Variants in MED6 observed in about 807,000 individuals in gnomAD.
MED6 encodes the protein mediator of RNA polymerase II transcription subunit 6.
Under a neutral mutation model 37.5 loss-of-function variants are expected in MED6, and 33 were observed. That is an observed-to-expected ratio of 0.88 (90% CI 0.67 to 1.18). The LOEUF is 1.18. Among genes scored for constraint, MED6 ranks in the 50% most tolerant of loss-of-function variants. The probability of loss-of-function intolerance (pLI) is 0.00; values close to 1 mark genes in which losing one functional copy is unlikely to be tolerated. For synonymous variants in MED6, 94 were observed against 93.6 expected, an observed-to-expected ratio of 1.00 and a Z score of -0.02; for missense variants, 235 against 290.6, an observed-to-expected ratio of 0.81 and a Z score of 1.39.
At position 70,593,324 on chromosome 14, in the gene MED6, T is replaced by TTATAA; in HGVS notation, c.328_329insTTATA (p.Asp110ValfsTer8). The TTATAA allele has an allele frequency of 6.2e-7, 1 of 1,613,946 alleles. No homozygotes were observed. The highest frequency in any genetic ancestry group is 8.5e-7 in the Non-Finnish European group (1 of 1,179,900). On this transcript the variant is annotated frameshift_variant, in exon 4 of 8. Transcript: ENST00000256379. LOFTEE classifies it high-confidence loss of function. ...TCTAGAGTTTATAACTGATCCCAAG[T>TTATAA]CTGGTGCCTGATAGATCACTCCAGC... is the stretch of plus-strand genomic sequence containing the variant.
intron 1 of MED6, among the ~76,000 whole-genome samples, chr14:70,599,161 C>T (rs962629469): frequency 1.2e-4 from 19 of 152,154 alleles, no homozygotes; most frequent in African/African-American, 4.6e-4. Flanking sequence ...TTACCTCAGG[C>T]ATCTTCAAAG....
intron 1 of MED6, 171 bp from the exon 2 acceptor site, chr14:70,597,948 ACATGATTAAGTCTTATGATAAAGACAT>A: frequency 2.3e-6 from 1 of 433,362 alleles, no homozygotes; most frequent in Non-Finnish European, 3.9e-6. Flanking sequence ...GAAAGCAATA[ACATGATTAAGTCTTATGATAAAGACAT>A]GGTGAAACCC....
At chr14:70,584,976 G>A (rs1409391567) in intron 7 of MED6, 33 bp from the exon 8 acceptor site, 9 of 1,605,630 alleles carry the variant, frequency 5.6e-6, no homozygotes, top group Non-Finnish European at 6.8e-6. Context: ...TTGGGAGGGA[G>A]ATATGGGTGG....
chr14:70,593,416 T>C, intron 3 of MED6, 38 bp from the exon 4 acceptor site: 2 of 1,442,682 alleles, frequency 1.4e-6, no homozygotes, highest in Non-Finnish European at 1.9e-6. Flanking sequence ...AATACAGCTA[T>C]GGACACAAAC....
At chr14:70,588,755 G>A (rs376511891) in intron 6 of MED6, among the ~76,000 whole-genome samples, 66 of 150,118 alleles carry the variant, frequency 4.4e-4, no homozygotes, top group Non-Finnish European at 8.4e-4. Flanking sequence ...GGAGGAAGTA[G>A]GGGAAGAAGA....
chr14:70,597,525 T>C, intron 2 of MED6, 93 bp downstream of exon 2: 1 of 1,136,968 alleles, frequency 8.8e-7, no homozygotes, highest in East Asian at 2.9e-5. Context: ...CTTCTAAAAG[T>C]TCTACTCTGC....
At chr14:70,588,753 T>C (rs1884789034) in intron 6 of MED6, among the ~76,000 whole-genome samples, 1 of 148,254 alleles carries the variant, frequency 6.7e-6, no homozygotes, top group African/African-American at 2.5e-5. Flanking sequence ...TGGGAGGAAG[T>C]AGGGGAAGAA....
intron 5 of MED6, among the ~76,000 whole-genome samples, chr14:70,592,233 A>G (rs1159552665): frequency 6.6e-6 from 1 of 152,230 alleles, no homozygotes; most frequent in African/African-American, 2.4e-5. Context: ...ACAGTAAAAT[A>G]TGATGAAGAC....
At chr14:70,588,451 C>T (rs752145685) in intron 6 of MED6, among the ~76,000 whole-genome samples, 1 of 151,584 alleles carries the variant, frequency 6.6e-6, no homozygotes, top group Non-Finnish European at 1.5e-5. Context: ...TTTGGGAGGC[C>T]GAGATGGGCA....
intron 3 of MED6, chr14:70,595,677 C>T (rs1294879783): frequency 1.6e-5 from 15 of 936,078 alleles, no homozygotes; most frequent in South Asian, 4.0e-5. Flanking sequence ...CACCACCTAC[C>T]GCCGCCTGCT....
intron 1 of MED6, 95 bp from the exon 2 acceptor site, chr14:70,597,872 T>C (rs1885090866): frequency 1.0e-6 from 1 of 992,520 alleles, no homozygotes; most frequent in Non-Finnish European, 1.4e-6. Flanking sequence ...GTAGGCACTA[T>C]GAATATAAGG....
At chr14:70,593,791 A>G (rs567708072) in intron 3 of MED6, among the ~76,000 whole-genome samples, 32 of 152,322 alleles carry the variant, frequency 2.1e-4, no homozygotes, top group African/African-American at 7.7e-4. Context: ...TTGTCAGTCA[A>G]CCTTACTTAA....
chr14:70,584,752 A>T lies in MED6; in HGVS notation c.*61T>A. 1 of 1,551,198 alleles carries T rather than the reference A, an allele frequency of 6.4e-7. No homozygotes were observed. Among genetic ancestry groups the T allele is most frequent in the Non-Finnish European group, 8.7e-7 (1 of 1,150,460 alleles). On this transcript the variant is annotated 3_prime_UTR_variant, in exon 8 of 8. Coordinates refer to ENST00000256379, the MANE Select transcript of MED6 (RefSeq NM_005466.4). ...TAAAGTACTTCAAAGCTCAAGAGCC[A>T]CAGTACTGAGGTATGATAACTAGCA...
At position 70,585,789 on chromosome 14, in the gene MED6, A is replaced by T. The variant is rs1400665107; in HGVS notation, c.583-6T>A. 1 of 1,600,594 alleles carries T rather than the reference A, an allele frequency of 6.2e-7. No homozygotes were observed. The highest frequency in any genetic ancestry group is 1.4e-5 in the African/African-American group (1 of 74,072). On this transcript the variant is annotated splice_polypyrimidine_tract_variant and splice_region_variant and intron_variant, in intron 6 of 7. Transcript: ENST00000256379. ...GGCTTTTCTCCAGGCTTTAGCTATA[A>T]TTTTTTAGAAAAAAGGGAGGGAGAG...
intron 6 of MED6, among the ~76,000 whole-genome samples, chr14:70,586,471 A>G (rs1258505317): frequency 1.3e-5 from 2 of 152,136 alleles, no homozygotes; most frequent in Non-Finnish European, 2.9e-5. Context: ...CCATGTTTAA[A>G]AACAACAACA....
intron 6 of MED6, among the ~76,000 whole-genome samples, chr14:70,586,536 T>C (rs1470491167): frequency 6.6e-6 from 1 of 152,182 alleles, no homozygotes; most frequent in African/African-American, 2.4e-5. Context: ...TTCAAACTTA[T>C]TATAACTTTA....
At position 70,591,317 on chromosome 14, in the gene MED6, C is replaced by T. The variant is rs149635535; in HGVS notation, c.531G>A (p.Val177=). The T allele has an allele frequency of 4.7e-5, 76 of 1,610,240 alleles. No homozygotes were observed. In the African/African-American group the frequency reaches 7.5e-4, roughly 16 times the overall value. ...EPSSIFQRQR[V]DALLLDLRQK... ...GTCTGAGGTCTAAAAGTAAAGCATC[C>T]ACACGTTGTCTCTGAAAAATAGAGC... Residue 177 remains valine (V), a synonymous_variant, in exon 6 of 8, where the codon GTG becomes GTA. Coordinates refer to ENST00000256379, the MANE Select transcript of MED6 (RefSeq NM_005466.4).
chr14:70,593,900 A>G (rs1482644949), intron 3 of MED6, among the ~76,000 whole-genome samples: 1 of 152,192 alleles, frequency 6.6e-6, no homozygotes, highest in Non-Finnish European at 1.5e-5. Context: ...GTCCTAAGGA[A>G]TAAGATAGCT....
At chr14:70,599,938 G>A (rs1025107101) in intron 1 of MED6, among the ~76,000 whole-genome samples, 2 of 151,872 alleles carry the variant, frequency 1.3e-5, no homozygotes, top group East Asian at 1.9e-4. Flanking sequence ...TTAAAAAAAG[G>A]CATCTCAAAC....
Sources: allele counts gnomAD v4.1 joint callset (sites outside exome capture counted in the v4.1 genomes callset), GRCh38; gene constraint gnomAD v4.1.1; transcripts MANE v1.5; gene names NCBI Gene and HGNC (gene_info 2026-07-23, HGNC 2026-07-21).